Variants in ZNF626 observed in about 807,000 individuals in gnomAD.
ZNF626 encodes CTC-513N18.7.
A neutral mutation model predicts 11.7 loss-of-function variants in ZNF626; 4 were observed. The observed-to-expected ratio is 0.34, with a 90% CI of 0.17 to 0.78. The LOEUF is 0.78. Ranked by LOEUF, ZNF626 falls within the 30% of genes least tolerant of loss-of-function variation. ZNF626 has a pLI of 0.57. For synonymous variants in ZNF626, 179 were observed against 198.6 expected, an observed-to-expected ratio of 0.90 and a Z score of 0.83; for missense variants, 588 against 587.1, an observed-to-expected ratio of 1.00 and a Z score of -0.01.
chr19:20,630,975 C>T (rs1307489302), intron 3 of ZNF626, among the ~76,000 whole-genome samples: 4 of 151,646 alleles, frequency 2.6e-5, no homozygotes, highest in Admixed American at 2.6e-4. Context: ...TATGTTGTGT[C>T]TTTGTTCTCG....
chr19:20,633,935 C>T (rs1356346550), intron 3 of ZNF626, among the ~76,000 whole-genome samples: 1 of 152,106 alleles, frequency 6.6e-6, no homozygotes, highest in Non-Finnish European at 1.5e-5. Flanking sequence ...CTTGGCTCCT[C>T]CCCCCTCATG....
rs1260869588 is a variant in ZNF626, at chr19:20,624,642, A to G, written c.1235T>C (p.Leu412Pro). The change falls in exon 4 of 4, where the codon CTT (leucine) becomes CCT (proline). Residue 412 changes from leucine (L) to proline (P), a missense_variant. Physicochemically the swap from Leu to Pro is moderately conservative, Grantham distance 98 (BLOSUM62 -3). Around this residue, in one of 4 missense-constraint regions of ZNF626, gnomAD observed 15 missense variants for 28.3 expected, o/e 0.53. Transcript: ENST00000601440. ...AGTATGAATTTTCTTATGTGTAGTA[A>G]GGTTAGAGGAGTACTTAAAAGCTTT... is the stretch of plus-strand genomic sequence containing the variant. ...CGKAFKYSSN[L>P]TTHKKIHTGE... 3.8e-6 allele frequency: 6 copies of G among 1,590,978 alleles called. No individual in the cohort carries two copies. The Admixed American group carries it at 1.0e-4, about 27-fold the overall frequency.
intron 1 of ZNF626, among the ~76,000 whole-genome samples, chr19:20,658,631 A>G (rs1428974170): frequency 6.6e-6 from 1 of 152,118 alleles, no homozygotes; most frequent in Non-Finnish European, 1.5e-5. Context: ...AAATACCCAG[A>G]GCTTTGTTCC....
Position 20,625,427 on chromosome 19 carries a change from A to G in ZNF626, c.450T>C (p.Tyr150=), listed in dbSNP as rs1555769488. 2 of 1,614,118 alleles carry G rather than the reference A, an allele frequency of 1.2e-6. No individual in the cohort carries two copies. Among genetic ancestry groups the G allele is most frequent in the Admixed American group, 1.7e-5 (1 of 59,996 alleles). The change falls in exon 4 of 4, where the codon TAT becomes TAC. Residue 150 remains tyrosine, a synonymous_variant. Transcript: ENST00000601440. ...TPRKICQCDK[Y]VKVLHQFPNS... ...TTGGAAATTGATGAAGGACTTTCAC[A>G]TATTTATCACATTGACATATTTTTC...
intron 3 of ZNF626, among the ~76,000 whole-genome samples, chr19:20,630,252 G>T (rs1199139529): frequency 1.3e-5 from 2 of 151,974 alleles, no homozygotes; most frequent in Non-Finnish European, 2.9e-5. Context: ...TTTTTGGTTG[G>T]GTCTCTGCCA....
intron 1 of ZNF626, among the ~76,000 whole-genome samples, chr19:20,650,940 A>G (rs573614656): frequency 1.3e-5 from 2 of 152,228 alleles, no homozygotes; most frequent in South Asian, 4.1e-4. Context: ...TGTAATCTCA[A>G]CACTTTGGGA....
At chr19:20,627,697 T>C (rs1254342802) in intron 3 of ZNF626, among the ~76,000 whole-genome samples, 2 of 152,194 alleles carry the variant, frequency 1.3e-5, no homozygotes, top group Non-Finnish European at 2.9e-5. Flanking sequence ...CTTGCCTTTC[T>C]ACAGGAGTCA....
At chr19:20,627,470 G>A (rs528936542) in intron 3 of ZNF626, among the ~76,000 whole-genome samples, 51 of 151,114 alleles carry the variant, frequency 3.4e-4, no homozygotes, top group African/African-American at 1.1e-3. Context: ...AAAAAATCCT[G>A]GAAAAATACC....
chr19:20,627,957 G>T (rs755315492), intron 3 of ZNF626, among the ~76,000 whole-genome samples: 7 of 152,134 alleles, frequency 4.6e-5, no homozygotes, highest in African/African-American at 1.7e-4. Context: ...AGTCCCCGGT[G>T]TGTGATGTTT....
chr19:20,650,194 A>T (rs2144788909), intron 1 of ZNF626, among the ~76,000 whole-genome samples: 1 of 152,024 alleles, frequency 6.6e-6, no homozygotes, highest in Non-Finnish European at 1.5e-5. Flanking sequence ...GGATTTAGGT[A>T]AAGGGCCCAG....
At chr19:20,646,505 C>CTCCT in intron 1 of ZNF626, 100 bp from the exon 2 acceptor site, 2 of 1,574,900 alleles carry the variant, frequency 1.3e-6, no homozygotes, top group Admixed American at 1.9e-5. Flanking sequence ...CTGGTTCTGA[C>CTCCT]TTATAGGACT....
At chr19:20,631,650 C>T (rs1555770361) in intron 3 of ZNF626, among the ~76,000 whole-genome samples, 1 of 148,372 alleles carries the variant, frequency 6.7e-6, no homozygotes, top group Non-Finnish European at 1.5e-5. Flanking sequence ...GGTAGATCTT[C>T]ATCCATCCCT....
chr19:20,660,930 T>C (rs895308296), intron 1 of ZNF626, among the ~76,000 whole-genome samples: 1 of 151,942 alleles, frequency 6.6e-6, no homozygotes. Context: ...GACCAGAAAG[T>C]TGAGTCATTT....
At chr19:20,651,136 G>A (rs886810064) in intron 1 of ZNF626, among the ~76,000 whole-genome samples, 8 of 148,912 alleles carry the variant, frequency 5.4e-5, no homozygotes, top group Non-Finnish European at 1.2e-4. Flanking sequence ...GTGGTGAGTC[G>A]AGATTGTGCC....
intron 1 of ZNF626, among the ~76,000 whole-genome samples, chr19:20,649,826 C>T (rs1387097252): frequency 2.0e-5 from 3 of 149,090 alleles, no homozygotes; most frequent in African/African-American, 4.9e-5. Context: ...TTGCTCCCCC[C>T]GCCCCTTGGC....
At chr19:20,646,524 T>C in intron 1 of ZNF626, 119 bp from the exon 2 acceptor site, 3 of 1,530,032 alleles carry the variant, frequency 2.0e-6, no homozygotes, top group Non-Finnish European at 2.6e-6. Flanking sequence ...CTGACTAAAA[T>C]TATCCAATAA....
intron 1 of ZNF626, among the ~76,000 whole-genome samples, chr19:20,646,862 T>A (rs1312515078): frequency 6.6e-6 from 1 of 152,144 alleles, no homozygotes; most frequent in Non-Finnish European, 1.5e-5. Flanking sequence ...ATTTATTTAT[T>A]TAGAGATGGA....
intron 3 of ZNF626, among the ~76,000 whole-genome samples, chr19:20,641,640 T>A (rs9917105): frequency 0.45 from 67,660 of 151,720 alleles, 16,312 homozygotes; most frequent in African/African-American, 0.63. Flanking sequence ...CCCAAGCTGG[T>A]GTGTAGTGGC....
At chr19:20,660,008 CCGATAATGCCAG>C (rs1970246971) in intron 1 of ZNF626, among the ~76,000 whole-genome samples, 1 of 152,022 alleles carries the variant, frequency 6.6e-6, no homozygotes. Flanking sequence ...GTGGCTCACA[CCGATAATGCCAG>C]CACTTTGGGA....
Sources: gnomAD v4.1 joint callset for allele counts (sites outside exome capture counted in the v4.1 genomes callset) on GRCh38, gnomAD v4.1.1 for gene constraint, gnomAD v4.1.1 regional missense constraint, MANE v1.5 for transcripts, NCBI Gene and HGNC (gene_info 2026-07-23, HGNC 2026-07-21) for gene names.